Variants in RAB3C observed in about 807,000 individuals in gnomAD.
The protein encoded by RAB3C is ras-related protein Rab-3C.
A neutral mutation model predicts 26.4 loss-of-function variants in RAB3C; 17 were observed. The observed-to-expected ratio is 0.64, with a 90% CI of 0.44 to 0.97. RAB3C has a LOEUF of 0.97. RAB3C is among the 50% of genes least tolerant of loss of function. The pLI, the probability that RAB3C is intolerant of heterozygous loss-of-function variation, is 0.00. For missense variants in RAB3C, 242 were observed against 281.9 expected (o/e 0.86, Z 1.01); for synonymous variants, 91 against 95.9 (o/e 0.95, Z 0.30).
intron 1 of RAB3C, among the ~76,000 whole-genome samples, chr5:58,599,617 G>C (rs143006112): frequency 6.6e-6 from 1 of 152,256 alleles, no homozygotes; most frequent in African/African-American, 2.4e-5. Flanking sequence ...ACTATGGGCT[G>C]AGAGAAGAAC....
intron 2 of RAB3C, among the ~76,000 whole-genome samples, chr5:58,634,678 A>T (rs1289427384): frequency 6.6e-6 from 1 of 152,092 alleles, no homozygotes; most frequent in Non-Finnish European, 1.5e-5. Context: ...AAAACTACTA[A>T]ATCAGAGTGC....
chr5:58,689,712 T>A (rs1748522349), intron 2 of RAB3C, among the ~76,000 whole-genome samples: 1 of 152,102 alleles, frequency 6.6e-6, no homozygotes, highest in Non-Finnish European at 1.5e-5. Context: ...CTTCCATTCA[T>A]TCCCTTGACA....
At chr5:58,756,759 C>G (rs200662876) in intron 3 of RAB3C, among the ~76,000 whole-genome samples, 39,992 of 143,580 alleles carry the variant, frequency 0.28, 5,935 homozygotes, top group South Asian at 0.38. Flanking sequence ...CATGTTCCTG[C>G]AAAGGACATG....
At chr5:58,778,331 C>G (rs557844249) in intron 3 of RAB3C, among the ~76,000 whole-genome samples, 1 of 152,108 alleles carries the variant, frequency 6.6e-6, no homozygotes, top group Non-Finnish European at 1.5e-5. Flanking sequence ...ACCTCTTGGT[C>G]TAATCAGTTT....
At chr5:58,832,390 G>C (rs941087573) in intron 4 of RAB3C, among the ~76,000 whole-genome samples, 8 of 152,112 alleles carry the variant, frequency 5.3e-5, no homozygotes, top group Non-Finnish European at 7.4e-5. Context: ...TATTTCTTTT[G>C]GGGGGCAGGA....
rs868645513 is a variant in RAB3C at position 58,855,757 on chromosome 5, A to G, written c.*4406A>G. 6.6e-6 allele frequency: 1 copy of G among 152,228 alleles called. No individual in the cohort carries two copies. Among genetic ancestry groups the G allele is most frequent in the Non-Finnish European group, 1.5e-5 (1 of 68,040 alleles). 9.4% of individuals were successfully genotyped at this position (152,228 alleles called of 1,614,324 possible). A position where few individuals can be genotyped will look rare whatever the true frequency, so the allele number is the denominator to read the frequency against. On this transcript the variant is annotated 3_prime_UTR_variant, in exon 5 of 5. Transcript: ENST00000282878. ...TGGAATTTACTGGGCCAAATTAAGT[A>G]AAAGATGAAGTTTATGACCAGAATA... is the stretch of plus-strand genomic sequence containing the variant.
chr5:58,806,861 A>T (rs180868121), intron 3 of RAB3C, among the ~76,000 whole-genome samples: 1 of 152,286 alleles, frequency 6.6e-6, no homozygotes, highest in African/African-American at 2.4e-5. Context: ...GCCTACACCC[A>T]CTCAAATAAA....
At chr5:58,694,330 T>C (rs562416925) in intron 2 of RAB3C, among the ~76,000 whole-genome samples, 27 of 152,358 alleles carry the variant, frequency 1.8e-4, no homozygotes, top group African/African-American at 6.5e-4. Context: ...ATCTAGTCTA[T>C]CATTGATGGA....
At chr5:58,808,315 A>G (rs140104348) in intron 3 of RAB3C, among the ~76,000 whole-genome samples, 199 of 152,234 alleles carry the variant, frequency 1.3e-3, no homozygotes, top group African/African-American at 4.7e-3. Flanking sequence ...GGATTTCTGG[A>G]GAATTTGACA....
chr5:58,768,437 GGT>G (rs3060344), intron 3 of RAB3C, among the ~76,000 whole-genome samples: 67,690 of 145,472 alleles, frequency 0.47, 16,019 homozygotes, highest in South Asian at 0.62. Context: ...GCCACAAACA[GGT>G]GTAGCTGGGA....
At chr5:58,651,172 T>A (rs1004413921) in intron 2 of RAB3C, among the ~76,000 whole-genome samples, 3 of 152,234 alleles carry the variant, frequency 2.0e-5, no homozygotes, top group African/African-American at 7.2e-5. Context: ...CCCAGTGCTT[T>A]CACATAAACT....
At chr5:58,658,072 G>A (rs1024805121) in intron 2 of RAB3C, among the ~76,000 whole-genome samples, 21 of 152,134 alleles carry the variant, frequency 1.4e-4, no homozygotes, top group African/African-American at 5.1e-4. Context: ...ACAGAGAAAG[G>A]AAAGAAAGTT....
At chr5:58,752,872 T>C (rs1741563682) in intron 3 of RAB3C, among the ~76,000 whole-genome samples, 1 of 151,908 alleles carries the variant, frequency 6.6e-6, no homozygotes, top group African/African-American at 2.4e-5. Context: ...TCACTCCCAA[T>C]CTCAAAATAG....
intron 2 of RAB3C, among the ~76,000 whole-genome samples, chr5:58,692,463 T>G (rs1343628454): frequency 6.6e-6 from 1 of 152,080 alleles, no homozygotes; most frequent in African/African-American, 2.4e-5. Context: ...AAGCATAAAG[T>G]TTAGCCTACT....
chr5:58,785,865 G>A (rs1742368098), intron 3 of RAB3C, among the ~76,000 whole-genome samples: 1 of 152,254 alleles, frequency 6.6e-6, no homozygotes, highest in Non-Finnish European at 1.5e-5. Context: ...AAATGATGTA[G>A]AATAATCAGT....
chr5:58,835,255 A>G (rs542108647), intron 4 of RAB3C, among the ~76,000 whole-genome samples: 89 of 152,280 alleles, frequency 5.8e-4, no homozygotes, highest in Non-Finnish European at 9.1e-4. Context: ...ACTCTGGCAC[A>G]TCGCTATTTT....
intron 3 of RAB3C, among the ~76,000 whole-genome samples, chr5:58,730,523 A>G (rs1740991110): frequency 6.6e-6 from 1 of 152,072 alleles, no homozygotes; most frequent in South Asian, 2.1e-4. Context: ...TCTTTAAATT[A>G]CTGGTCTCCA....
chr5:58,827,320 A>C (rs1743505073), intron 4 of RAB3C, among the ~76,000 whole-genome samples: 1 of 152,184 alleles, frequency 6.6e-6, no homozygotes, highest in South Asian at 2.1e-4. Context: ...ATGGGGAAGA[A>C]ACTGCTACAC....
intron 2 of RAB3C, among the ~76,000 whole-genome samples, chr5:58,650,155 A>G (rs1747613126): frequency 6.6e-6 from 1 of 152,202 alleles, no homozygotes; most frequent in South Asian, 2.1e-4. Flanking sequence ...CAACTCATGT[A>G]GCCAGGGACC....
Sources: gnomAD v4.1 joint callset for allele counts (sites outside exome capture counted in the v4.1 genomes callset) on GRCh38, gnomAD v4.1.1 for gene constraint, MANE v1.5 for transcripts, NCBI Gene and HGNC (gene_info 2026-07-23, HGNC 2026-07-21) for gene names.